The following RBFOX1 variants were observed in gnomAD, a reference collection of about 807,000 sequenced individuals.
The protein encoded by RBFOX1 is RNA binding protein fox-1 homolog 1.
A neutral mutation model predicts 57.7 loss-of-function variants in RBFOX1; 8 were observed. The observed-to-expected ratio is 0.14, with a 90% confidence interval of 0.08 to 0.25. The LOEUF is 0.25. Among genes scored for constraint, RBFOX1 ranks in the 10% least tolerant of loss-of-function variants. The pLI, the probability that RBFOX1 is intolerant of heterozygous loss-of-function variation, is 1.00. For synonymous variants in RBFOX1, 326 were observed against 222.4 expected (o/e 1.47, Z -4.15); for missense variants, 611 against 548.5 (o/e 1.11, Z -1.14).
At chr16:6,262,929 G>T (rs928218810) in intron 1 of RBFOX1, among the ~76,000 whole-genome samples, 2 of 152,182 alleles carry the variant, frequency 1.3e-5, no homozygotes, top group Non-Finnish European at 2.9e-5. Flanking sequence ...TTGCAAAGAG[G>T]CACTGAGGCC....
At chr16:6,007,492 C>T (rs189661376) in intron 4 of RBFOX1, among the ~76,000 whole-genome samples, 43 of 152,288 alleles carry the variant, frequency 2.8e-4, no homozygotes, top group African/African-American at 9.9e-4. Context: ...CATGTTGATT[C>T]CAGCCTTGCC....
At chr16:7,568,411 G>C (rs1400052354) in intron 5 of RBFOX1, among the ~76,000 whole-genome samples, 3 of 152,118 alleles carry the variant, frequency 2.0e-5, no homozygotes, top group African/African-American at 2.4e-5. Flanking sequence ...ACTGGTGGGA[G>C]TGTCTCTTAG....
intron 4 of RBFOX1, among the ~76,000 whole-genome samples, chr16:5,876,601 C>G (rs914523696): frequency 4.6e-5 from 7 of 152,216 alleles, no homozygotes; most frequent in African/African-American, 1.4e-4. Flanking sequence ...GCCTCGTTGA[C>G]TGCCTGTTTT....
At chr16:5,729,129 C>G (rs2052263298) in intron 3 of RBFOX1, among the ~76,000 whole-genome samples, 1 of 152,204 alleles carries the variant, frequency 6.6e-6, no homozygotes, top group Non-Finnish European at 1.5e-5. Context: ...TGAACATAGA[C>G]TTTGGAAACT....
At chr16:7,057,661 C>T (rs1247695587) in intron 4 of RBFOX1, among the ~76,000 whole-genome samples, 1 of 152,136 alleles carries the variant, frequency 6.6e-6, no homozygotes, top group Non-Finnish European at 1.5e-5. Context: ...AGGGCCAACT[C>T]TTGAGGGAAG....
intron 1 of RBFOX1, among the ~76,000 whole-genome samples, chr16:6,157,739 G>A (rs974395969): frequency 7.2e-5 from 11 of 152,220 alleles, no homozygotes; most frequent in African/African-American, 2.4e-4. Flanking sequence ...AAAATTGAAT[G>A]TATAGGTTTA....
chr16:7,131,562 G>C (rs1016899282), intron 4 of RBFOX1, among the ~76,000 whole-genome samples: 1 of 151,656 alleles, frequency 6.6e-6, no homozygotes, highest in African/African-American at 2.4e-5. Context: ...TTGGAACTGA[G>C]GTTTGAACCA....
chr16:6,484,888 G>A (rs944487660), intron 2 of RBFOX1, among the ~76,000 whole-genome samples: 9 of 152,128 alleles, frequency 5.9e-5, no homozygotes, highest in African/African-American at 2.2e-4. Flanking sequence ...AAATGAATGC[G>A]GTTTATTGCT....
chr16:7,652,828 C>T (rs150748730), intron 11 of RBFOX1, among the ~76,000 whole-genome samples: 2 of 152,182 alleles, frequency 1.3e-5, no homozygotes, highest in African/African-American at 4.8e-5. Context: ...TGGTAATAAG[C>T]TGTTTCTCAT....
chr16:6,226,131 G>A (rs1362263197), intron 1 of RBFOX1, among the ~76,000 whole-genome samples: 6 of 150,948 alleles, frequency 4.0e-5, no homozygotes, highest in Non-Finnish European at 8.8e-5. Flanking sequence ...AGGCCGAGGT[G>A]GGAGGATCAC....
chr16:7,377,322 G>A (rs1304507924), intron 4 of RBFOX1, among the ~76,000 whole-genome samples: 1 of 152,154 alleles, frequency 6.6e-6, no homozygotes, highest in Non-Finnish European at 1.5e-5. Context: ...TGAGGTGGTG[G>A]CATGTATTTA....
intron 3 of RBFOX1, among the ~76,000 whole-genome samples, chr16:6,711,461 G>T (rs766272861): frequency 6.6e-6 from 1 of 152,126 alleles, no homozygotes; most frequent in African/African-American, 2.4e-5. Context: ...ACGTGTCAAG[G>T]GAGGGACCTG....
At chr16:5,772,933 C>T (rs987979952) in intron 3 of RBFOX1, among the ~76,000 whole-genome samples, 1 of 152,108 alleles carries the variant, frequency 6.6e-6, no homozygotes, top group Non-Finnish European at 1.5e-5. Context: ...ATGTTATGGG[C>T]AGAGGGAGCT....
chr16:7,226,002 C>T (rs888761141), intron 4 of RBFOX1, among the ~76,000 whole-genome samples: 1 of 151,384 alleles, frequency 6.6e-6, no homozygotes, highest in Non-Finnish European at 1.5e-5. Context: ...AAGGAATGGG[C>T]CTTGCTGAAT....
chr16:6,886,712 A>G (rs1381661175), intron 3 of RBFOX1, among the ~76,000 whole-genome samples: 1 of 151,726 alleles, frequency 6.6e-6, no homozygotes, highest in African/African-American at 2.4e-5. Context: ...CTGAGATCGC[A>G]CCACCGCACT....
At chr16:6,133,038 AT>A (rs34134690) in intron 1 of RBFOX1, among the ~76,000 whole-genome samples, 75,067 of 146,440 alleles carry the variant, frequency 0.51, 19,338 homozygotes, top group South Asian at 0.57. Flanking sequence ...ATGTTGTGTA[AT>A]TTTTTTTTTT....
At chr16:7,212,424 T>C (rs1253492707) in intron 4 of RBFOX1, among the ~76,000 whole-genome samples, 1 of 152,172 alleles carries the variant, frequency 6.6e-6, no homozygotes. Flanking sequence ...TTTCCCACTA[T>C]TTTAAATGAA....
At chr16:5,365,058 G>T (rs1254295622) in intron 1 of RBFOX1, among the ~76,000 whole-genome samples, 1 of 152,154 alleles carries the variant, frequency 6.6e-6, no homozygotes, top group Non-Finnish European at 1.5e-5. Flanking sequence ...ATTCCTCAGG[G>T]AGGGAGTGGG....
intron 3 of RBFOX1, among the ~76,000 whole-genome samples, chr16:6,925,109 GTTTTTTTTTTTTTTTTTTTTTTTTTTT>G (rs57556084): frequency 1.8e-4 from 8 of 45,252 alleles, no homozygotes; most frequent in East Asian, 7.7e-4. Flanking sequence ...TAGGTTGTTG[GTTTTTTTTTTTTTTTTTTTTTTTTTTT>G]TTTTTTTTTT....
Sources: allele counts gnomAD v4.1 joint callset (sites outside exome capture counted in the v4.1 genomes callset), GRCh38; gene constraint gnomAD v4.1.1; transcripts MANE v1.5; gene names NCBI Gene and HGNC (gene_info 2026-07-23, HGNC 2026-07-21).